Variants in PPP2R2B observed in about 807,000 individuals in gnomAD.
The protein encoded by PPP2R2B is serine/threonine-protein phosphatase 2A 55 kDa regulatory subunit B beta isoform.
In PPP2R2B, 5 loss-of-function variants were observed where a neutral mutation model predicts 46.0. The observed-to-expected ratio is 0.11, with a 90% confidence interval of 0.06 to 0.23. PPP2R2B has a LOEUF of 0.23. Ranked by LOEUF, PPP2R2B falls within the 10% of genes least tolerant of loss-of-function variation. The pLI, the probability that PPP2R2B is intolerant of heterozygous loss-of-function variation, is 1.00. For missense variants in PPP2R2B, 367 were observed against 575.0 expected (o/e 0.64, Z 3.70); for synonymous variants, 215 against 206.7 (o/e 1.04, Z -0.34).
chr5:146,801,407 CACAT>C (rs1756857099), intron 2 of PPP2R2B, among the ~76,000 whole-genome samples: 1 of 152,138 alleles, frequency 6.6e-6, no homozygotes, highest in Non-Finnish European at 1.5e-5. Context: ...TATTTTATGA[CACAT>C]ACATCAAATC....
At chr5:146,685,985 A>G (rs1363980247) in intron 5 of PPP2R2B, among the ~76,000 whole-genome samples, 1 of 152,146 alleles carries the variant, frequency 6.6e-6, no homozygotes. Flanking sequence ...CCCCATGGTC[A>G]GGAATATTTT....
At chr5:146,791,185 A>C (rs1469187650) in intron 2 of PPP2R2B, among the ~76,000 whole-genome samples, 1 of 152,152 alleles carries the variant, frequency 6.6e-6, no homozygotes, top group African/African-American at 2.4e-5. Context: ...TCTTTTTGAA[A>C]AGTGGCAGGG....
chr5:146,728,891 G>A (rs543496107), intron 2 of PPP2R2B, among the ~76,000 whole-genome samples: 9 of 152,132 alleles, frequency 5.9e-5, no homozygotes, highest in Non-Finnish European at 1.0e-4. Context: ...TCCAGTCTCA[G>A]GTATGTCTTT....
intron 2 of PPP2R2B, among the ~76,000 whole-genome samples, chr5:146,840,216 A>C (rs151226270): frequency 1.4e-3 from 219 of 152,174 alleles, no homozygotes; most frequent in African/African-American, 5.1e-3. Flanking sequence ...TGCCTGATTG[A>C]GTTCCCTTGA....
intron 5 of PPP2R2B, among the ~76,000 whole-genome samples, chr5:146,682,625 CATAGTGAGATGG>C (rs1429448031): frequency 7.9e-5 from 12 of 152,196 alleles, no homozygotes; most frequent in African/African-American, 2.4e-4. Context: ...GCCGTCTGGG[CATAGTGAGATGG>C]TACCTGCCTA....
intron 4 of PPP2R2B, among the ~76,000 whole-genome samples, chr5:146,695,326 A>G (rs1779115045): frequency 6.6e-6 from 1 of 151,978 alleles, no homozygotes; most frequent in African/African-American, 2.4e-5. Flanking sequence ...TCATAGTGAG[A>G]AAAACAAATT....
At chr5:146,925,194 A>G (rs748952648) in intron 1 of PPP2R2B, among the ~76,000 whole-genome samples, 1 of 152,136 alleles carries the variant, frequency 6.6e-6, no homozygotes, top group African/African-American at 2.4e-5. Flanking sequence ...GAAAAAATAT[A>G]TTTTATGGAA....
At chr5:146,979,271 T>A (rs777134180) in intron 1 of PPP2R2B, among the ~76,000 whole-genome samples, 1 of 152,192 alleles carries the variant, frequency 6.6e-6, no homozygotes. Context: ...GGCCCTTCTA[T>A]CTAATATTGC....
chr5:147,040,808 T>TA (rs35011506), intron 1 of PPP2R2B: 84,815 of 373,346 alleles, frequency 0.23, no homozygotes, highest in South Asian at 0.34. Context: ...TGAGTTTCCT[T>TA]AAAAAAAAAA....
chr5:146,606,926 C>G (rs1479725949), intron 7 of PPP2R2B: 3 of 152,182 alleles, frequency 2.0e-5, no homozygotes, highest in Admixed American at 2.0e-4. Flanking sequence ...GAATCATGCG[C>G]AGGGCTTTAA....
chr5:146,711,027 G>T (rs1414617142), intron 2 of PPP2R2B, among the ~76,000 whole-genome samples: 2 of 152,174 alleles, frequency 1.3e-5, no homozygotes, highest in Non-Finnish European at 2.9e-5. Context: ...GCCCAACACA[G>T]CTCCCTTTAT....
At chr5:146,724,312 T>C (rs1751707279) in intron 2 of PPP2R2B, among the ~76,000 whole-genome samples, 1 of 137,706 alleles carries the variant, frequency 7.3e-6, no homozygotes, top group African/African-American at 3.1e-5. Context: ...GGGACTGTCA[T>C]AGGTTTTTTT....
At chr5:146,752,555 A>T (rs1274065779) in intron 2 of PPP2R2B, among the ~76,000 whole-genome samples, 1 of 152,214 alleles carries the variant, frequency 6.6e-6, no homozygotes, top group African/African-American at 2.4e-5. Flanking sequence ...AGTTTATTGC[A>T]ATATCTTTAG....
chr5:146,924,418 ATCTGGTC>A (rs1482250393), intron 1 of PPP2R2B, among the ~76,000 whole-genome samples: 5 of 152,170 alleles, frequency 3.3e-5, no homozygotes, highest in African/African-American at 1.2e-4. Flanking sequence ...AACAGCTTGG[ATCTGGTC>A]TCTTGGACTT....
chr5:147,023,180 T>C (rs1580817488), intron 1 of PPP2R2B, among the ~76,000 whole-genome samples: 1 of 152,306 alleles, frequency 6.6e-6, no homozygotes, highest in African/African-American at 2.4e-5. Context: ...CATGCTGTTG[T>C]AAGGTTCTTA....
intron 1 of PPP2R2B, among the ~76,000 whole-genome samples, chr5:147,037,725 A>G (rs1756110320): frequency 6.6e-6 from 1 of 152,086 alleles, no homozygotes; most frequent in Non-Finnish European, 1.5e-5. Context: ...TGGGAGCAGC[A>G]TTTCCTAACT....
At chr5:146,619,630 C>T (rs1773508703) in intron 7 of PPP2R2B, among the ~76,000 whole-genome samples, 1 of 152,212 alleles carries the variant, frequency 6.6e-6, no homozygotes, top group African/African-American at 2.4e-5. Flanking sequence ...ACTAAAGAAA[C>T]TTGAGCGTGT....
intron 1 of PPP2R2B, among the ~76,000 whole-genome samples, chr5:146,937,793 T>G (rs1199721358): frequency 6.6e-6 from 1 of 152,218 alleles, no homozygotes; most frequent in Non-Finnish European, 1.5e-5. Flanking sequence ...ATCTGAAATT[T>G]ATGTCTGTTT....
At chr5:146,757,417 A>G (rs1406864685) in intron 2 of PPP2R2B, among the ~76,000 whole-genome samples, 1 of 152,208 alleles carries the variant, frequency 6.6e-6, no homozygotes, top group Non-Finnish European at 1.5e-5. Flanking sequence ...GAGGGACCAC[A>G]GTAGGAACAC....
Sources: gnomAD v4.1 joint callset for allele counts (sites outside exome capture counted in the v4.1 genomes callset) on GRCh38, gnomAD v4.1.1 for gene constraint, MANE v1.5 for transcripts, NCBI Gene and HGNC (gene_info 2026-07-23, HGNC 2026-07-21) for gene names.